The following MAMSTR variants were observed in gnomAD, a reference collection of about 807,000 sequenced individuals.
MAMSTR encodes MEF2 activating motif and SAP domain containing transcriptional regulator, also known as MEF2-activating motif and SAP domain-containing transcriptional regulator.
In MAMSTR, 41 loss-of-function variants were observed where a neutral mutation model predicts 42.7. The observed-to-expected ratio is 0.96, with a 90% confidence interval of 0.75 to 1.25. The LOEUF is 1.25. MAMSTR is among the 50% of genes most tolerant of loss of function. The pLI, the probability that MAMSTR is intolerant of heterozygous loss-of-function variation, is 0.00. For synonymous variants in MAMSTR, 265 were observed against 244.1 expected (o/e 1.09, Z -0.80); for missense variants, 567 against 557.6 (o/e 1.02, Z -0.17).
rs760663960 is a variant in MAMSTR, at chr19:48,713,712, C to T, written c.964+4G>A. ...TCCCCTAAATCTAGCAGTTTGGATC[C>T]TACCATCAGGCTCCACCTGATCCTC... On this transcript the variant is annotated splice_donor_region_variant and intron_variant, in intron 9 of 9. Transcript: ENST00000318083. 33 of 1,614,088 alleles carry T rather than the reference C, an allele frequency of 2.0e-5. No individual in the cohort carries two copies. The highest frequency in any genetic ancestry group is 2.5e-5 in the Non-Finnish European group (29 of 1,180,024).
At chr19:48,714,114 G>A in intron 7 of MAMSTR, 69 bp from the exon 8 acceptor site, 3 of 1,457,566 alleles carry the variant, frequency 2.1e-6, no homozygotes, top group South Asian at 1.4e-5. Flanking sequence ...CACTCGCAAC[G>A]TGTGGCTCCA....
chr19:48,716,719 C>G lies in MAMSTR; in HGVS notation c.83G>C (p.Arg28Pro). ...RSVLQLRIHR[R>P]NQEQISDPDP... Reference sequence around the variant, plus strand: ...CCCATACTTACTCTGCTCCTGATTCCGTCTGTGGATCCGAAGCTGGAGGAC... The same window carrying G: ...CCCATACTTACTCTGCTCCTGATTCGGTCTGTGGATCCGAAGCTGGAGGAC... Residue 28 changes from arginine (R) to proline (P), a missense_variant, in exon 3 of 10, where the codon CGG (arginine) becomes CCG (proline). Coordinates refer to ENST00000318083, the MANE Select transcript of MAMSTR (RefSeq NM_001130915.2). The G allele has an allele frequency of 7.5e-7, 1 of 1,338,676 alleles. No homozygotes were observed. Among genetic ancestry groups the G allele is most frequent in the South Asian group, 2.1e-5 (1 of 48,230 alleles). The allele number at this position is 1,338,676 out of a possible 1,614,324, so 82.9% of individuals were successfully genotyped here. A position where few individuals can be genotyped will look rare whatever the true frequency, so the allele number is the denominator to read the frequency against.
intron 2 of MAMSTR, among the ~76,000 whole-genome samples, chr19:48,718,689 C>T (rs954612780): frequency 1.3e-5 from 2 of 152,130 alleles, no homozygotes; most frequent in Non-Finnish European, 2.9e-5. Context: ...TCTGCCCCTG[C>T]GTGTGCGCCA....
chr19:48,714,374 G>A lies in MAMSTR; in HGVS notation c.715C>T (p.Gln239Ter). 3 of 1,365,810 alleles carry A rather than the reference G, an allele frequency of 2.2e-6. No homozygotes were observed. Among genetic ancestry groups the A allele is most frequent in the Middle Eastern group, 2.0e-4 (1 of 5,096 alleles). The allele number at this position is 1,365,810 out of a possible 1,614,324, so 84.6% of individuals were successfully genotyped here. The part of the protein sequence containing the change: ...KPKALAAARR[Q>*]GSVKPSAASH... ...CATAGCCCCGCCCTCACCGAGCCCTGACGCCGGGCGGCTGCCAGGGCCTTG... is the reference window on the plus strand; with the variant it reads ...CATAGCCCCGCCCTCACCGAGCCCTAACGCCGGGCGGCTGCCAGGGCCTTG... The change falls in exon 7 of 10, where the codon CAG becomes TAG. Residue 239 changes from glutamine to a stop codon, truncating the protein, a stop_gained. Transcript: ENST00000318083. LOFTEE classifies it high-confidence loss of function.
In MAMSTR at chr19:48,714,463, CGG is replaced by C. The variant is rs766217532; in HGVS notation, c.624_625del (p.Glu210AlafsTer97). 1.5e-6 allele frequency: 2 copies of C among 1,357,652 alleles called. No homozygotes were observed. The highest frequency in any genetic ancestry group is 9.4e-7 in the Non-Finnish European group (1 of 1,066,428). 84.1% of individuals were successfully genotyped at this position (1,357,652 alleles called of 1,614,324 possible). On this transcript the variant is annotated frameshift_variant, in exon 7 of 10. Coordinates refer to ENST00000318083, the MANE Select transcript of MAMSTR (RefSeq NM_001130915.2). LOFTEE classifies it high-confidence loss of function. ...CTCGCGCCGCGGCTTCGGCCGCTCG[CGG>C]GGCGGCGCGCCGCCGCGCATGCGCT...
At position 48,715,408 on chromosome 19, in the gene MAMSTR, C is replaced by T. The variant is rs577910317; in HGVS notation, c.279G>A (p.Lys93=). 1.9e-4 allele frequency: 290 copies of T among 1,513,702 alleles called. 3 individuals are homozygous for T. The South Asian group carries it at 3.6e-3, about 19-fold the overall frequency. 93.8% of individuals were successfully genotyped at this position (1,513,702 alleles called of 1,614,324 possible). The part of the protein sequence containing the change: ...PKISQRWRES[K]PRGNLTYHQY... ...GGTGGTATGTCAAGTTCCCCCTGGGCTTGGACTCCCTCCAACGTTGGGAGA... is the reference window on the plus strand; with the variant it reads ...GGTGGTATGTCAAGTTCCCCCTGGGTTTGGACTCCCTCCAACGTTGGGAGA... Residue 93 remains lysine (K), a synonymous_variant, in exon 5 of 10, where the codon AAG becomes AAA. Coordinates refer to ENST00000318083, the MANE Select transcript of MAMSTR (RefSeq NM_001130915.2).
chr19:48,714,287 G>T, intron 7 of MAMSTR, 79 bp downstream of exon 7: 3 of 1,197,986 alleles, frequency 2.5e-6, no homozygotes, highest in Non-Finnish European at 3.3e-6. Context: ...ACACTTCATT[G>T]GCTAGTTTTT....
chr19:48,718,808 G>C (rs112642599), intron 2 of MAMSTR, among the ~76,000 whole-genome samples, 166 bp downstream of exon 2: 1 of 151,850 alleles, frequency 6.6e-6, no homozygotes, highest in Admixed American at 6.6e-5. Context: ...TTGCACACTC[G>C]TTGATCCACC....
chr19:48,708,858 G>T (rs2032689263), downstream of MAMSTR, among the ~76,000 whole-genome samples: 1 of 152,106 alleles, frequency 6.6e-6, no homozygotes, highest in Non-Finnish European at 1.5e-5. Flanking sequence ...GGGAGTTGGA[G>T]ACAGAGATAG....
intron 2 of MAMSTR, among the ~76,000 whole-genome samples, chr19:48,718,322 C>T (rs189079989): frequency 1.3e-5 from 2 of 152,004 alleles, no homozygotes; most frequent in African/African-American, 4.8e-5. Context: ...CACGTGCACA[C>T]TCAAGTACCC....
At position 48,715,703 on chromosome 19, in the gene MAMSTR, G is replaced by A; in HGVS notation, c.162C>T (p.Gly54=). The change falls in exon 4 of 10, where the codon GGC becomes GGT. Residue 54 remains glycine (G), a synonymous_variant. Coordinates refer to ENST00000318083, the MANE Select transcript of MAMSTR (RefSeq NM_001130915.2). ...DPPLAPALPS[G]TAPFLFSPGV... is the part of the protein sequence containing the mutation. ...CAGGGCTGAAGAGGAAAGGGGCCGT[G>A]CCCGAGGGCAAGGCCGGGGCCAGAG... 2 of 1,540,070 alleles carry A rather than the reference G, an allele frequency of 1.3e-6. No individual in the cohort carries two copies. Among genetic ancestry groups the A allele is most frequent in the Non-Finnish European group, 1.7e-6 (2 of 1,144,178 alleles).
At chr19:48,715,995 G>A in intron 3 of MAMSTR, 1 of 1,327,370 alleles carries the variant, frequency 7.5e-7, no homozygotes, top group Non-Finnish European at 9.6e-7. Context: ...AAAGGGGTGT[G>A]GTAGCTGAGG....
At chr19:48,718,179 G>A (rs925945803) in intron 2 of MAMSTR, among the ~76,000 whole-genome samples, 1 of 152,096 alleles carries the variant, frequency 6.6e-6, no homozygotes, top group Admixed American at 6.6e-5. Flanking sequence ...CACAGTCAGG[G>A]TTTGTCCCCC....
chr19:48,711,690 G>A (rs927007379), downstream of MAMSTR, among the ~76,000 whole-genome samples: 7 of 149,604 alleles, frequency 4.7e-5, no homozygotes, highest in Admixed American at 2.0e-4. Flanking sequence ...CTCCTGCCTC[G>A]GTCTCTCACG....
chr19:48,714,308 GC>G, intron 7 of MAMSTR, 57 bp downstream of exon 7: 1 of 1,311,752 alleles, frequency 7.6e-7, no homozygotes, highest in Non-Finnish European at 9.8e-7. Context: ...TCGACACCCC[GC>G]CCCGGCCCAC....
At position 48,714,241 on chromosome 19, in the gene MAMSTR, C is replaced by A. The variant is rs560663961; in HGVS notation, c.723+125G>T. On this transcript the variant is annotated intron_variant, in intron 7 of 9. Transcript: ENST00000318083. ...CCTGTTAGTCTGAACCACGTCCCCTCGCCTTCAAGGCTTCCTACCGCTGGT... is the reference window on the plus strand; with the variant it reads ...CCTGTTAGTCTGAACCACGTCCCCTAGCCTTCAAGGCTTCCTACCGCTGGT... 20 of 1,008,996 alleles carry A rather than the reference C, an allele frequency of 2.0e-5. No individual in the cohort carries two copies. The East Asian group carries it at 3.6e-4, about 18-fold the overall frequency. The allele number at this position is 1,008,996 out of a possible 1,614,324, so 62.5% of individuals were successfully genotyped here.
downstream of MAMSTR, among the ~76,000 whole-genome samples, chr19:48,708,732 T>G (rs1245989612): frequency 6.6e-6 from 1 of 151,656 alleles, no homozygotes; most frequent in Non-Finnish European, 1.5e-5. Flanking sequence ...ATGCGGAAGG[T>G]GCAATGGAGG....
At chr19:48,706,508 A>G in the MAMSTR span, among the ~76,000 whole-genome samples, 9 of 151,994 alleles carry the variant, frequency 5.9e-5, no homozygotes, top group Middle Eastern at 3.4e-3. Context: ...GTGGTGGTGC[A>G]TGCCTGTAAT....
At chr19:48,709,372 T>C (rs1372931447), downstream of MAMSTR, among the ~76,000 whole-genome samples, 2 of 152,074 alleles carry the variant, frequency 1.3e-5, no homozygotes, top group Non-Finnish European at 2.9e-5. Flanking sequence ...GGTCTCGAAC[T>C]CCCAACCTCA....
Sources: gnomAD v4.1 joint callset for allele counts (sites outside exome capture counted in the v4.1 genomes callset) on GRCh38, gnomAD v4.1.1 for gene constraint, MANE v1.5 for transcripts, NCBI Gene and HGNC (gene_info 2026-07-23, HGNC 2026-07-21) for gene names.